The following SLC4A8 variants were observed in gnomAD, a reference collection of about 807,000 sequenced individuals.
SLC4A8 encodes the protein solute carrier family 4 member 8, also known as electroneutral sodium bicarbonate exchanger 1.
Under a neutral mutation model 125.0 loss-of-function variants are expected in SLC4A8, and 40 were observed. That is an observed-to-expected ratio of 0.32 (90% CI 0.25 to 0.42). The LOEUF (loss-of-function observed/expected upper bound fraction) is 0.42, where lower values mean the gene tolerates loss of function less well. Among genes scored for constraint, SLC4A8 ranks in the 10% least tolerant of loss-of-function variants. SLC4A8 has a pLI of 1.00. For synonymous variants in SLC4A8, 456 were observed against 476.0 expected, an observed-to-expected ratio of 0.96 and a Z score of 0.55; for missense variants, 863 against 1,355.1, an observed-to-expected ratio of 0.64 and a Z score of 5.70.
At chr12:51,446,691 CA>C (rs1949782100) in intron 2 of SLC4A8, among the ~76,000 whole-genome samples, 1 of 152,228 alleles carries the variant, frequency 6.6e-6, no homozygotes, top group Admixed American at 6.5e-5. Flanking sequence ...GTCCTAAACA[CA>C]TTCACTTTGG....
chr12:51,483,681 C>T lies in SLC4A8; in HGVS notation c.2173-2106C>T, dbSNP rs1565812974. ...ATCCAAGTTCAAGTGATATTTTGTT[C>T]TCAAAATAAAATAATTTTCAAGGTT... On this transcript the variant is annotated intron_variant, in intron 16 of 24. Transcript: ENST00000453097. 2.6e-5 allele frequency among the ~76,000 whole-genome samples: 4 copies of T among 151,782 alleles called. No homozygotes were observed. In the South Asian group the frequency reaches 8.3e-4, roughly 31 times the overall value.
upstream of SLC4A8, among the ~76,000 whole-genome samples, chr12:51,423,529 C>CAA (rs1948841987): frequency 6.6e-6 from 1 of 152,186 alleles, no homozygotes; most frequent in African/African-American, 2.4e-5. Context: ...ATCAGAAATA[C>CAA]AATTCTGCTT....
upstream of SLC4A8, among the ~76,000 whole-genome samples, chr12:51,421,257 G>A (rs17125750): frequency 0.026 from 4,029 of 152,258 alleles, 192 homozygotes; most frequent in African/African-American, 0.093. Context: ...ATGTGTTTGA[G>A]CTTTTCCAAC....
intron 16 of SLC4A8, among the ~76,000 whole-genome samples, chr12:51,476,942 A>G (rs1592249377): frequency 9.4e-6 from 1 of 106,086 alleles, no homozygotes; most frequent in Admixed American, 1.3e-4. Context: ...GAGTCTTGCT[A>G]TGTTCCCCAG....
chr12:51,500,941 C>T (rs1380727616), intron 22 of SLC4A8, among the ~76,000 whole-genome samples: 1 of 151,050 alleles, frequency 6.6e-6, no homozygotes, highest in Non-Finnish European at 1.5e-5. Flanking sequence ...AGGTTTGTTA[C>T]ATATGTATAC....
intron 2 of SLC4A8, among the ~76,000 whole-genome samples, chr12:51,447,171 C>T (rs536546136): frequency 2.0e-5 from 3 of 152,116 alleles, no homozygotes; most frequent in East Asian, 3.9e-4. Context: ...CAGCTTTGAA[C>T]TCCTGGGCTC....
In SLC4A8 at chr12:51,424,928, G is replaced by C; in HGVS notation, c.-60G>C. 6.5e-7 allele frequency: 1 copy of C among 1,534,662 alleles called. No individual in the cohort carries two copies. Among genetic ancestry groups the C allele is most frequent in the Non-Finnish European group, 8.8e-7 (1 of 1,133,128 alleles). Reference sequence around the variant, plus strand: ...AGTGATCTGCTCAGACCCGACCAGAGGGCGCGGGCTGCTGATGCTTGGCTT... The same window carrying C: ...AGTGATCTGCTCAGACCCGACCAGACGGCGCGGGCTGCTGATGCTTGGCTT... On this transcript the variant is annotated 5_prime_UTR_variant, in exon 1 of 25. Transcript: ENST00000453097.
chr12:51,451,046 G>GGGTGCCC, intron 3 of SLC4A8, 24 bp downstream of exon 3: 1 of 1,452,558 alleles, frequency 6.9e-7, no homozygotes, highest in African/African-American at 1.4e-5. Flanking sequence ...GAGACAGGGC[G>GGGTGCCC]GGTGTCCATG....
At chr12:51,441,579 C>T (rs1454245578) in intron 2 of SLC4A8, among the ~76,000 whole-genome samples, 1 of 152,156 alleles carries the variant, frequency 6.6e-6, no homozygotes, top group African/African-American at 2.4e-5. Flanking sequence ...GGCTCATGTC[C>T]AGTATCCAAT....
At chr12:51,447,394 G>C (rs1285821581) in intron 2 of SLC4A8, among the ~76,000 whole-genome samples, 2 of 152,200 alleles carry the variant, frequency 1.3e-5, no homozygotes, top group East Asian at 3.9e-4. Flanking sequence ...GCCTGGCCTG[G>C]CACTGGGAAT....
chr12:51,471,697 A>C, intron 14 of SLC4A8, 165 bp downstream of exon 14: 2 of 705,388 alleles, frequency 2.8e-6, no homozygotes, highest in South Asian at 2.0e-5. Context: ...CTGCCAGAGG[A>C]GAACAATCAA....
chr12:51,485,737 C>G (rs772996851), intron 16 of SLC4A8, 50 bp from the exon 17 acceptor site: 1 of 987,842 alleles, frequency 1.0e-6, no homozygotes, highest in Non-Finnish European at 1.6e-6. Context: ...AACCTCTTTT[C>G]TACTGTATTT....
chr12:51,410,711 C>T (rs1185131697), intron 1 of SLC4A8, among the ~76,000 whole-genome samples: 7 of 152,136 alleles, frequency 4.6e-5, no homozygotes, highest in South Asian at 2.1e-4. Context: ...CCACCTGCCT[C>T]GGCCTCCCAA....
chr12:51,416,105 G>A (rs1433256791), intron 1 of SLC4A8, among the ~76,000 whole-genome samples: 7 of 151,368 alleles, frequency 4.6e-5, no homozygotes. Context: ...ATGATTCATA[G>A]GCTGGGAATA....
At chr12:51,395,034 AAAAT>A (rs1052035603) in intron 1 of SLC4A8, among the ~76,000 whole-genome samples, 9 of 140,268 alleles carry the variant, frequency 6.4e-5, no homozygotes, top group South Asian at 2.3e-4. Context: ...GTCTCTGAAA[AAAAT>A]AAATAAAAAA....
intron 16 of SLC4A8, among the ~76,000 whole-genome samples, chr12:51,478,602 T>G (rs1403170424): frequency 6.6e-6 from 1 of 152,238 alleles, no homozygotes; most frequent in Admixed American, 6.5e-5. Context: ...TTCCTACTGC[T>G]CTGCACCAAA....
chr12:51,498,345 C>T (rs896820606), intron 22 of SLC4A8, among the ~76,000 whole-genome samples: 3 of 151,524 alleles, frequency 2.0e-5, no homozygotes, highest in African/African-American at 4.8e-5. Context: ...ATATAATTTA[C>T]GAAAAAGAAG....
In SLC4A8 at chr12:51,509,956, G is replaced by A. The variant is rs1938304806; in HGVS notation, c.*2518G>A. 2 of 152,542 alleles carry A rather than the reference G, an allele frequency of 1.3e-5. No homozygotes were observed. The highest frequency in any genetic ancestry group is 2.4e-5 in the African/African-American group (1 of 41,446). 9.4% of individuals were successfully genotyped at this position (152,542 alleles called of 1,614,324 possible). A position where few individuals can be genotyped will look rare whatever the true frequency, so the allele number is the denominator to read the frequency against. On this transcript the variant is annotated 3_prime_UTR_variant, in exon 25 of 25. Coordinates refer to ENST00000453097, the MANE Select transcript of SLC4A8 (RefSeq NM_001039960.3). ...TTGGGGTTGGGCGAATGGGTTGGAT[G>A]ATCCTGGCTCTGTGGGTGTGGTGCT...
intron 1 of SLC4A8, among the ~76,000 whole-genome samples, chr12:51,405,079 T>C (rs146658876): frequency 5.4e-4 from 83 of 152,316 alleles, no homozygotes; most frequent in African/African-American, 2.0e-3. Flanking sequence ...AAATGATGCT[T>C]CTGACTCTCC....
Sources: allele counts gnomAD v4.1 joint callset (sites outside exome capture counted in the v4.1 genomes callset), GRCh38; gene constraint gnomAD v4.1.1; transcripts MANE v1.5; gene names NCBI Gene and HGNC (gene_info 2026-07-23, HGNC 2026-07-21).